The following PHF24 variants were observed in gnomAD, a reference collection of about 807,000 sequenced individuals.
PHF24 encodes Galpha inhibitory interacting protein.
Under a neutral mutation model 42.6 loss-of-function variants are expected in PHF24, and 25 were observed. The observed-to-expected ratio is 0.59, with a 90% CI of 0.43 to 0.82. The LOEUF (loss-of-function observed/expected upper bound fraction) is 0.82. Ranked by LOEUF, PHF24 falls within the 40% of genes least tolerant of loss-of-function variation. The probability of loss-of-function intolerance (pLI) is 0.00; values close to 1 mark genes in which losing one functional copy is unlikely to be tolerated. For synonymous variants in PHF24, 185 were observed against 204.8 expected, an observed-to-expected ratio of 0.90 and a Z score of 0.83; for missense variants, 470 against 538.1, an observed-to-expected ratio of 0.87 and a Z score of 1.25.
chr9:34,730,648 C>G, the PHF24 span, among the ~76,000 whole-genome samples: 1 of 152,194 alleles, frequency 6.6e-6, no homozygotes, highest in Non-Finnish European at 1.5e-5. Context: ...ACAATCACTA[C>G]AAATAGACTT....
the PHF24 span, among the ~76,000 whole-genome samples, chr9:34,934,780 T>A: frequency 2.0e-5 from 3 of 152,310 alleles, no homozygotes; most frequent in South Asian, 6.2e-4. Context: ...AAATTATCAT[T>A]TATTTAGCAA....
chr9:34,894,631 T>C, the PHF24 span: 1 of 397,402 alleles, frequency 2.5e-6, no homozygotes, highest in Non-Finnish European at 4.4e-6. Context: ...GTCACATCTG[T>C]GTATAACTTA....
At chr9:34,707,972 CGCCTGCCTTG>C in the PHF24 span, among the ~76,000 whole-genome samples, 1 of 152,116 alleles carries the variant, frequency 6.6e-6, no homozygotes, top group African/African-American at 2.4e-5. Context: ...CCTCATGATC[CGCCTGCCTTG>C]GCCTCCCAAA....
chr9:34,837,164 C>T, the PHF24 span: 2 of 470,068 alleles, frequency 4.3e-6, no homozygotes, highest in South Asian at 3.1e-5. Context: ...TAGACAGTGG[C>T]ATGGTAGAGT....
chr9:34,955,505 C>T (rs906586754), upstream of PHF24, among the ~76,000 whole-genome samples: 2 of 152,128 alleles, frequency 1.3e-5, no homozygotes, highest in African/African-American at 2.4e-5. Context: ...GGCGAAACCC[C>T]GTCTCTACCA....
At chr9:34,797,040 G>A in the PHF24 span, among the ~76,000 whole-genome samples, 2 of 152,162 alleles carry the variant, frequency 1.3e-5, no homozygotes. Flanking sequence ...AATCTCAAAG[G>A]CCTTATGCTG....
chr9:34,875,902 T>A, the PHF24 span, among the ~76,000 whole-genome samples: 1 of 141,386 alleles, frequency 7.1e-6, no homozygotes, highest in Non-Finnish European at 1.5e-5. Flanking sequence ...CTCGTCTCTC[T>A]CTCTTACACA....
At chr9:34,744,014 C>T in the PHF24 span, among the ~76,000 whole-genome samples, 38 of 152,274 alleles carry the variant, frequency 2.5e-4, no homozygotes, top group Admixed American at 6.5e-5. Context: ...CCTGTGATAA[C>T]GGCATTAATC....
chr9:34,740,896 T>G, the PHF24 span, among the ~76,000 whole-genome samples: 2 of 152,210 alleles, frequency 1.3e-5, no homozygotes, highest in East Asian at 3.9e-4. Flanking sequence ...CTCTCTTTTT[T>G]TTTTTGGTTA....
the PHF24 span, among the ~76,000 whole-genome samples, chr9:34,947,078 T>C: frequency 6.6e-6 from 1 of 152,208 alleles, no homozygotes; most frequent in African/African-American, 2.4e-5. Flanking sequence ...CAGCTGCCAA[T>C]TATAGTATTG....
At chr9:34,747,720 A>G in the PHF24 span, among the ~76,000 whole-genome samples, 1 of 152,216 alleles carries the variant, frequency 6.6e-6, no homozygotes, top group African/African-American at 2.4e-5. Context: ...TGGTACAACC[A>G]CTATAGAAAA....
At chr9:34,913,101 C>T in the PHF24 span, among the ~76,000 whole-genome samples, 4 of 151,390 alleles carry the variant, frequency 2.6e-5, no homozygotes, top group South Asian at 4.2e-4. Flanking sequence ...GACCAATCCA[C>T]GAACTTGAAT....
At chr9:34,728,717 T>C in the PHF24 span, 1 of 1,452,132 alleles carries the variant, frequency 6.9e-7, no homozygotes, top group Non-Finnish European at 9.5e-7. Flanking sequence ...ATGTCCAAAA[T>C]GAGACAAAAC....
the PHF24 span, among the ~76,000 whole-genome samples, chr9:34,793,167 A>G: frequency 6.6e-6 from 1 of 152,062 alleles, no homozygotes; most frequent in Non-Finnish European, 1.5e-5. Flanking sequence ...TCATAGAACA[A>G]AACTCAAAAA....
the PHF24 span, chr9:34,835,205 C>T: frequency 7.7e-6 from 12 of 1,551,868 alleles, no homozygotes; most frequent in South Asian, 2.4e-5. Flanking sequence ...GATGGGCTGG[C>T]CAGCCACACA....
At chr9:34,850,723 T>C in the PHF24 span, among the ~76,000 whole-genome samples, 1 of 152,194 alleles carries the variant, frequency 6.6e-6, no homozygotes, top group Admixed American at 6.5e-5. Flanking sequence ...TCCCCATCTT[T>C]GTGGTTTTAT....
the PHF24 span, among the ~76,000 whole-genome samples, chr9:34,950,406 A>G: frequency 7.9e-5 from 12 of 152,070 alleles, 1 homozygote; most frequent in African/African-American, 2.6e-4. Context: ...TTGGACCACA[A>G]TGGAATAAAA....
intron 1 of PHF24, among the ~76,000 whole-genome samples, chr9:34,963,056 C>A (rs1826646744): frequency 6.6e-6 from 1 of 152,106 alleles, no homozygotes; most frequent in South Asian, 2.1e-4. Flanking sequence ...ACCAGGTAGA[C>A]CTTTCAGGGT....
chr9:34,879,859 G>T, the PHF24 span, among the ~76,000 whole-genome samples: 6 of 152,098 alleles, frequency 3.9e-5, no homozygotes, highest in Non-Finnish European at 7.4e-5. Flanking sequence ...ACGCCACAAA[G>T]ATACTCCTCG....
Sources: allele counts gnomAD v4.1 joint callset (sites outside exome capture counted in the v4.1 genomes callset), GRCh38; gene constraint gnomAD v4.1.1; transcripts MANE v1.5; gene names NCBI Gene and HGNC (gene_info 2026-07-23, HGNC 2026-07-21).